MBOAT2: variants seen among roughly 807,000 people sequenced by gnomAD.
The protein encoded by MBOAT2 is membrane bound glycerophospholipid O-acyltransferase 2, also known as membrane-bound glycerophospholipid O-acyltransferase 2.
Under a neutral mutation model 63.4 loss-of-function variants are expected in MBOAT2, and 28 were observed. That is an observed-to-expected ratio of 0.44 (90% confidence interval 0.33 to 0.61). The LOEUF (loss-of-function observed/expected upper bound fraction) is 0.61, where lower values mean the gene tolerates loss of function less well. Among genes scored for constraint, MBOAT2 ranks in the 20% least tolerant of loss-of-function variants. The pLI is 0.03. For synonymous variants in MBOAT2, 211 were observed against 215.6 expected, an observed-to-expected ratio of 0.98 and a Z score of 0.19; for missense variants, 470 against 605.8, an observed-to-expected ratio of 0.78 and a Z score of 2.35.
At chr2:8,882,060 G>A (rs1663176612) in intron 6 of MBOAT2, among the ~76,000 whole-genome samples, 1 of 152,144 alleles carries the variant, frequency 6.6e-6, no homozygotes, top group Non-Finnish European at 1.5e-5. Flanking sequence ...AGAATTATCT[G>A]ACTGGTTCTT....
chr2:8,984,025 T>G (rs1671378992), intron 1 of MBOAT2, among the ~76,000 whole-genome samples: 1 of 152,216 alleles, frequency 6.6e-6, no homozygotes. Context: ...AATTAAGAAC[T>G]ATGAATAGAA....
At chr2:8,871,535 T>C (rs1403251795) in intron 8 of MBOAT2, among the ~76,000 whole-genome samples, 1 of 152,198 alleles carries the variant, frequency 6.6e-6, no homozygotes, top group East Asian at 1.9e-4. Context: ...TCAGTCTCAA[T>C]TTAAAGTCAG....
At chr2:8,969,250 A>C (rs1395658728) in intron 1 of MBOAT2, among the ~76,000 whole-genome samples, 1 of 152,102 alleles carries the variant, frequency 6.6e-6, no homozygotes. Flanking sequence ...TTCAACCCAG[A>C]ATTTCATATC....
At position 8,862,247 on chromosome 2, in the gene MBOAT2, G is replaced by A. The variant is rs1055669240; in HGVS notation, c.1185+343C>T. 8.0e-7 allele frequency: 1 copy of A among 1,253,762 alleles called. No homozygotes were observed. Among genetic ancestry groups the A allele is most frequent in the Non-Finnish European group, 1.0e-6 (1 of 966,470 alleles). 77.7% of individuals were successfully genotyped at this position (1,253,762 alleles called of 1,614,324 possible). On this transcript the variant is annotated intron_variant, in intron 11 of 12. Coordinates refer to ENST00000305997, the MANE Select transcript of MBOAT2 (RefSeq NM_138799.4). This position sits in a 1 kb window ranked among gnomAD's most constrained non-coding sequence, Gnocchi z 4.3. ...AGGACTCAAAGGTTACAGCTTTCAG[G>A]AAACATTTCTAAAATAAACCTACCC... is the stretch of plus-strand genomic sequence containing the variant.
chr2:8,865,726 G>T (rs1267127952), intron 9 of MBOAT2, among the ~76,000 whole-genome samples: 1 of 152,180 alleles, frequency 6.6e-6, no homozygotes, highest in Non-Finnish European at 1.5e-5. Flanking sequence ...TCCCTCTCCT[G>T]AAACGGTTGT....
intron 1 of MBOAT2, among the ~76,000 whole-genome samples, chr2:8,968,994 G>T (rs1452515834): frequency 6.6e-6 from 1 of 152,102 alleles, no homozygotes; most frequent in Non-Finnish European, 1.5e-5. Context: ...ACCTAGAAAG[G>T]CAGGCCAACA....
At chr2:8,905,851 T>TG (rs1199579318) in intron 4 of MBOAT2, among the ~76,000 whole-genome samples, 3 of 152,264 alleles carry the variant, frequency 2.0e-5, no homozygotes, top group African/African-American at 7.2e-5. Context: ...TCTTTAAACT[T>TG]GGAGATTTAT....
intron 4 of MBOAT2, 65 bp downstream of exon 4, chr2:8,908,556 T>A (rs1665494898): frequency 4.7e-6 from 4 of 858,326 alleles, no homozygotes; most frequent in Admixed American, 4.5e-5. Context: ...GCAAATATAT[T>A]TTGTCCTTTA....
Position 8,982,030 on chromosome 2 carries a change from C to T in MBOAT2, c.75+21510G>A, listed in dbSNP as rs79450862. Among the ~76,000 whole-genome samples, 1,048 of 152,210 alleles carry T rather than the reference C, an allele frequency of 6.9e-3. 19 individuals carry two copies. Among genetic ancestry groups the T allele is most frequent in the African/African-American group, 0.024 (1,004 of 41,536 alleles). ...ATGCTGGGTACATACCACTCAACTT[C>T]CCCAAACCTTAGTTACTTCTGTAAA... On this transcript the variant is annotated intron_variant, in intron 1 of 12. Transcript: ENST00000305997.
chr2:8,976,266 A>T (rs948170307), intron 1 of MBOAT2, among the ~76,000 whole-genome samples: 4 of 152,128 alleles, frequency 2.6e-5, no homozygotes, highest in African/African-American at 9.7e-5. Flanking sequence ...GCACCTACCT[A>T]CCAGGCTAAT....
intron 1 of MBOAT2, among the ~76,000 whole-genome samples, chr2:8,966,835 C>T (rs955188478): frequency 6.6e-6 from 1 of 152,206 alleles, no homozygotes; most frequent in Non-Finnish European, 1.5e-5. Context: ...CTACCCATGA[C>T]AGAGCACTCC....
chr2:8,866,007 A>G (rs1661862506), intron 9 of MBOAT2, among the ~76,000 whole-genome samples: 1 of 152,178 alleles, frequency 6.6e-6, no homozygotes, highest in Non-Finnish European at 1.5e-5. Flanking sequence ...ACCGCACTCC[A>G]GCCTGGGCAA....
At chr2:8,964,456 T>C (rs2103291350) in intron 1 of MBOAT2, among the ~76,000 whole-genome samples, 1 of 151,586 alleles carries the variant, frequency 6.6e-6, no homozygotes, top group East Asian at 1.9e-4. Context: ...CAACATCCAC[T>C]TGACTAATTT....
intron 7 of MBOAT2, 101 bp from the exon 8 acceptor site, chr2:8,873,401 C>T (rs548620804): frequency 1.0e-5 from 12 of 1,184,010 alleles, no homozygotes; most frequent in Non-Finnish European, 1.3e-5. Flanking sequence ...GATCATCAGT[C>T]CTACAACTCT....
At chr2:8,940,804 A>C (rs1424102562) in intron 3 of MBOAT2, among the ~76,000 whole-genome samples, 1 of 152,216 alleles carries the variant, frequency 6.6e-6, no homozygotes, top group East Asian at 1.9e-4. Context: ...AAACAGAGAG[A>C]GGCAAGAATT....
chr2:8,858,655 A>G lies in MBOAT2; in HGVS notation c.*24T>C, dbSNP rs1661274448. 1 of 1,540,538 alleles carries G rather than the reference A, an allele frequency of 6.5e-7. No homozygotes were observed. ...GGTTTCTGTTAACATCAAAAAAAAA[A>G]AACAGCCCTCAGAGCCTTCCCGATC... On this transcript the variant is annotated 3_prime_UTR_variant, in exon 13 of 13. Coordinates refer to ENST00000305997, the MANE Select transcript of MBOAT2 (RefSeq NM_138799.4).
chr2:8,878,438 C>T (rs1662859721), intron 6 of MBOAT2, among the ~76,000 whole-genome samples: 1 of 152,190 alleles, frequency 6.6e-6, no homozygotes, highest in Non-Finnish European at 1.5e-5. Flanking sequence ...GTCCATGCTC[C>T]TCTCTGAATA....
intron 2 of MBOAT2, among the ~76,000 whole-genome samples, chr2:8,945,097 C>T (rs912050757): frequency 6.6e-6 from 1 of 152,178 alleles, no homozygotes; most frequent in African/African-American, 2.4e-5. Context: ...CTCATATCAC[C>T]TTAAGGTGCC....
intron 5 of MBOAT2, among the ~76,000 whole-genome samples, chr2:8,882,829 A>G (rs1663240782): frequency 6.6e-6 from 1 of 152,210 alleles, no homozygotes; most frequent in South Asian, 2.1e-4. Context: ...CACTTTAAAA[A>G]TTATAATGTT....
Sources: gnomAD v4.1 joint callset for allele counts (sites outside exome capture counted in the v4.1 genomes callset) on GRCh38, gnomAD v4.1.1 for gene constraint, Gnocchi (gnomAD v3.1) non-coding constraint, MANE v1.5 for transcripts, NCBI Gene and HGNC (gene_info 2026-07-23, HGNC 2026-07-21) for gene names.